Variants in KAZN observed in about 807,000 individuals in gnomAD.
KAZN encodes kazrin.
In KAZN, 40 loss-of-function variants were observed where a neutral mutation model predicts 87.4. The observed-to-expected ratio is 0.46, with a 90% confidence interval of 0.36 to 0.60. The LOEUF is 0.60. KAZN is among the 20% of genes least tolerant of loss of function. KAZN has a pLI of 0.00. For missense variants in KAZN, 898 were observed against 1,073.9 expected (o/e 0.84, Z 2.29); for synonymous variants, 466 against 458.3 (o/e 1.02, Z -0.22).
chr1:14,837,701 G>A (rs1647432948), intron 1 of KAZN, among the ~76,000 whole-genome samples: 1 of 151,650 alleles, frequency 6.6e-6, no homozygotes, highest in Non-Finnish European at 1.5e-5. Flanking sequence ...ATAGGCATGT[G>A]CCACCACCCC....
chr1:15,042,579 A>C (rs1324099981), intron 3 of KAZN, among the ~76,000 whole-genome samples: 1 of 152,086 alleles, frequency 6.6e-6, no homozygotes, highest in African/African-American at 2.4e-5. Flanking sequence ...AAACGCCCCA[A>C]AGTATATGTG....
At chr1:15,086,918 A>T (rs1463268409) in intron 8 of KAZN, among the ~76,000 whole-genome samples, 1 of 152,376 alleles carries the variant, frequency 6.6e-6, no homozygotes, top group East Asian at 1.9e-4. Flanking sequence ...GAAGCAGACC[A>T]CTGGGCTCCA....
At chr1:14,036,541 T>C (rs958111418) in intron 1 of KAZN, among the ~76,000 whole-genome samples, 4 of 152,032 alleles carry the variant, frequency 2.6e-5, no homozygotes, top group Non-Finnish European at 5.9e-5. Context: ...GGCTTGTCCA[T>C]GTAGCCCCAG....
intron 1 of KAZN, among the ~76,000 whole-genome samples, chr1:14,907,855 C>T (rs1055452499): frequency 4.0e-4 from 61 of 152,126 alleles, no homozygotes; most frequent in African/African-American, 1.5e-3. Context: ...AAGGGCACCC[C>T]TCCTCCAACC....
At chr1:14,694,248 G>T (rs1641480123) in intron 1 of KAZN, among the ~76,000 whole-genome samples, 1 of 152,214 alleles carries the variant, frequency 6.6e-6, no homozygotes, top group South Asian at 2.1e-4. Flanking sequence ...GCAGCTCCCA[G>T]CTGCCTCAGC....
chr1:14,749,698 A>G (rs1298931008), intron 1 of KAZN, among the ~76,000 whole-genome samples: 1 of 152,122 alleles, frequency 6.6e-6, no homozygotes, highest in Non-Finnish European at 1.5e-5. Flanking sequence ...GCGTCCTCAC[A>G]CAGGCACCAG....
intron 2 of KAZN, among the ~76,000 whole-genome samples, chr1:14,556,531 G>A (rs1487541593): frequency 6.6e-6 from 1 of 152,144 alleles, no homozygotes; most frequent in East Asian, 1.9e-4. Flanking sequence ...CAAGTCAACT[G>A]AGGGTGAATT....
chr1:14,041,256 A>G (rs1411085185), intron 1 of KAZN, among the ~76,000 whole-genome samples: 1 of 152,176 alleles, frequency 6.6e-6, no homozygotes, highest in East Asian at 1.9e-4. Flanking sequence ...CTTATACCCC[A>G]GTAGTATAAT....
At chr1:14,470,670 T>C (rs764858398) in intron 2 of KAZN, among the ~76,000 whole-genome samples, 18 of 152,214 alleles carry the variant, frequency 1.2e-4, no homozygotes, top group Non-Finnish European at 2.4e-4. Flanking sequence ...TTACTTTGTT[T>C]GCAGGAAAAG....
chr1:15,064,672 C>G (rs144921231), intron 7 of KAZN, among the ~76,000 whole-genome samples: 111 of 152,362 alleles, frequency 7.3e-4, no homozygotes, highest in African/African-American at 2.6e-3. Context: ...GGTGGCCATA[C>G]TGTCTCCTGT....
chr1:13,902,780 T>C (rs1639295419), intron 1 of KAZN, among the ~76,000 whole-genome samples: 1 of 152,362 alleles, frequency 6.6e-6, no homozygotes, highest in East Asian at 1.9e-4. Flanking sequence ...TATATGAATG[T>C]AATGAAATAT....
intron 1 of KAZN, among the ~76,000 whole-genome samples, chr1:14,928,781 A>G (rs1659463746): frequency 6.6e-6 from 1 of 152,196 alleles, no homozygotes; most frequent in African/African-American, 2.4e-5. Context: ...GATGGAGGCA[A>G]TGGAGGGCTT....
chr1:13,983,331 C>T (rs771557893), intron 1 of KAZN, among the ~76,000 whole-genome samples: 13 of 152,228 alleles, frequency 8.5e-5, no homozygotes, highest in Admixed American at 6.5e-5. Context: ...TAAGGCCCAG[C>T]GAGAAATCCA....
intron 1 of KAZN, among the ~76,000 whole-genome samples, chr1:14,084,137 G>A (rs1643778472): frequency 6.6e-6 from 1 of 152,204 alleles, no homozygotes; most frequent in Admixed American, 6.5e-5. Flanking sequence ...GATTGGACAG[G>A]GATAGTGTGG....
intron 1 of KAZN, among the ~76,000 whole-genome samples, chr1:14,824,618 T>C (rs771856693): frequency 7.2e-5 from 11 of 152,176 alleles, no homozygotes; most frequent in Non-Finnish European, 2.9e-5. Context: ...AAAAAAGATA[T>C]CTAATGCAGT....
intron 1 of KAZN, among the ~76,000 whole-genome samples, chr1:14,793,086 G>A (rs1322716800): frequency 6.6e-6 from 1 of 152,152 alleles, no homozygotes; most frequent in African/African-American, 2.4e-5. Flanking sequence ...TGTTAAGGCG[G>A]TGGAGGCCAC....
intron 1 of KAZN, among the ~76,000 whole-genome samples, chr1:14,958,308 G>A (rs542551138): frequency 5.3e-4 from 81 of 151,912 alleles, no homozygotes; most frequent in Middle Eastern, 6.8e-3. Context: ...ATAGGTACAT[G>A]GAGCATTTCC....
At chr1:14,262,226 C>A (rs6681266) in intron 2 of KAZN, among the ~76,000 whole-genome samples, 1 of 151,766 alleles carries the variant, frequency 6.6e-6, no homozygotes, top group Non-Finnish European at 1.5e-5. Context: ...CGAGCCCTAG[C>A]AATATAACAA....
chr1:14,728,160 C>T (rs1306797949), intron 1 of KAZN, among the ~76,000 whole-genome samples: 2 of 151,686 alleles, frequency 1.3e-5, no homozygotes, highest in Non-Finnish European at 2.9e-5. Flanking sequence ...GTTGCGTGCA[C>T]CTGTAATCCC....
Sources: allele counts gnomAD v4.1 joint callset (sites outside exome capture counted in the v4.1 genomes callset), GRCh38; gene constraint gnomAD v4.1.1; transcripts MANE v1.5; gene names NCBI Gene and HGNC (gene_info 2026-07-23, HGNC 2026-07-21).